The following COBLL1 variants were observed in gnomAD, a reference collection of about 807,000 sequenced individuals.
COBLL1 encodes the protein cordon-bleu protein-like 1.
A neutral mutation model predicts 94.8 loss-of-function variants in COBLL1; 50 were observed. The observed-to-expected ratio is 0.53, with a 90% CI of 0.42 to 0.67. The LOEUF is 0.67. Among genes scored for constraint, COBLL1 ranks in the 30% least tolerant of loss-of-function variants. COBLL1 has a pLI of 0.00. For missense variants in COBLL1, 1,362 were observed against 1,348.7 expected (o/e 1.01, Z -0.15); for synonymous variants, 448 against 473.8 (o/e 0.95, Z 0.71).
intron 2 of COBLL1, among the ~76,000 whole-genome samples, chr2:164,745,358 T>A (rs1686809548): frequency 6.6e-6 from 1 of 152,170 alleles, no homozygotes; most frequent in Non-Finnish European, 1.5e-5. Flanking sequence ...AACTACATTT[T>A]AAAAAACTGT....
chr2:164,750,638 C>T (rs1014271832), intron 2 of COBLL1, among the ~76,000 whole-genome samples: 1 of 152,114 alleles, frequency 6.6e-6, no homozygotes, highest in Non-Finnish European at 1.5e-5. Flanking sequence ...GCCATTAGGT[C>T]AGTGGGGGAG....
At chr2:164,790,622 C>T (rs960941168) in intron 2 of COBLL1, among the ~76,000 whole-genome samples, 4 of 152,154 alleles carry the variant, frequency 2.6e-5, no homozygotes, top group African/African-American at 9.7e-5. Context: ...GAGGACTTAA[C>T]TGTATACATA....
intron 2 of COBLL1, among the ~76,000 whole-genome samples, chr2:164,791,361 C>CAAAACA (rs1393042661): frequency 6.6e-6 from 1 of 151,794 alleles, no homozygotes; most frequent in Non-Finnish European, 1.5e-5. Context: ...CAAAACAAAA[C>CAAAACA]AAAAACACAT....
chr2:164,800,698 A>T, intron 2 of COBLL1: 1 of 607,370 alleles, frequency 1.6e-6, no homozygotes, highest in African/African-American at 1.8e-5. Flanking sequence ...CAGTACATCC[A>T]TACTACAAAA....
intron 2 of COBLL1, among the ~76,000 whole-genome samples, chr2:164,769,207 T>G (rs1254548100): frequency 1.3e-5 from 2 of 152,212 alleles, no homozygotes; most frequent in Admixed American, 1.3e-4. Context: ...TTAGAATTTT[T>G]AATGTATTTA....
chr2:164,839,852 GA>G (rs1683502080), intron 2 of COBLL1, among the ~76,000 whole-genome samples: 1 of 152,166 alleles, frequency 6.6e-6, no homozygotes. Flanking sequence ...TTTAAGCAAT[GA>G]AAAACCTGGG....
chr2:164,728,530 T>A (rs1447429584), intron 4 of COBLL1, among the ~76,000 whole-genome samples: 1 of 152,090 alleles, frequency 6.6e-6, no homozygotes, highest in Non-Finnish European at 1.5e-5. Context: ...TTAGCAAATA[T>A]ACATAGTACA....
chr2:164,808,308 GT>G (rs1684296870), intron 2 of COBLL1, among the ~76,000 whole-genome samples: 1 of 152,054 alleles, frequency 6.6e-6, no homozygotes, highest in African/African-American at 2.4e-5. Context: ...TTAATACTAT[GT>G]TTTTGCTGGA....
intron 2 of COBLL1, among the ~76,000 whole-genome samples, chr2:164,758,828 G>T (rs1405974710): frequency 6.6e-6 from 1 of 151,454 alleles, no homozygotes. Flanking sequence ...TGAAGAAAAA[G>T]TTACTCATTA....
chr2:164,681,016 C>G lies in COBLL1; in HGVS notation c.*4930G>C, dbSNP rs936456674. 6.6e-6 allele frequency: 1 copy of G among 152,118 alleles called. No individual in the cohort carries two copies. The highest frequency in any genetic ancestry group is 1.5e-5 in the Non-Finnish European group (1 of 68,012). The allele number at this position is 152,118 out of a possible 1,614,324, so 9.4% of individuals were successfully genotyped here. ...ACTGGTTGGGAGCTAGACAGAAAGTCTGAGGTGTATTTGTGTTGGATTTAG... is the reference window on the plus strand; with the variant it reads ...ACTGGTTGGGAGCTAGACAGAAAGTGTGAGGTGTATTTGTGTTGGATTTAG... On this transcript the variant is annotated 3_prime_UTR_variant, in exon 14 of 14. Transcript: ENST00000652658.
chr2:164,782,417 G>GTCTAA (rs1448317078), intron 2 of COBLL1, among the ~76,000 whole-genome samples: 20 of 152,068 alleles, frequency 1.3e-4, no homozygotes, highest in Admixed American at 1.2e-3. Context: ...TATCAACTGA[G>GTCTAA]CAAGAAAGAT....
intron 2 of COBLL1, among the ~76,000 whole-genome samples, chr2:164,832,167 G>A (rs1447487165): frequency 3.9e-5 from 6 of 152,156 alleles, no homozygotes; most frequent in South Asian, 2.1e-4. Context: ...AGGCAGATTC[G>A]AGAGATGGAA....
At chr2:164,674,618 G>A (rs1013727155) in intron 1 of COBLL1, among the ~76,000 whole-genome samples, 1 of 152,050 alleles carries the variant, frequency 6.6e-6, no homozygotes, top group African/African-American at 2.4e-5. Flanking sequence ...ATATGGTAAG[G>A]GCAAAAGCTC....
At chr2:164,744,276 C>T (rs1686746846) in intron 2 of COBLL1, among the ~76,000 whole-genome samples, 1 of 152,062 alleles carries the variant, frequency 6.6e-6, no homozygotes. Context: ...GTAACTCTTA[C>T]CTTTGGGCCC....
At chr2:164,671,492 A>G (rs1190330287) in intron 1 of COBLL1, among the ~76,000 whole-genome samples, 1 of 152,186 alleles carries the variant, frequency 6.6e-6, no homozygotes, top group Non-Finnish European at 1.5e-5. Context: ...CACAATCCAC[A>G]ACAGACTTGC....
At chr2:164,751,606 G>A (rs1393482181) in intron 2 of COBLL1, among the ~76,000 whole-genome samples, 1 of 152,002 alleles carries the variant, frequency 6.6e-6, no homozygotes, top group African/African-American at 2.4e-5. Context: ...CCATTTAGCT[G>A]GGGTTTACAG....
intron 3 of COBLL1, among the ~76,000 whole-genome samples, chr2:164,739,215 C>A (rs562846190): frequency 6.6e-6 from 1 of 152,270 alleles, no homozygotes; most frequent in South Asian, 2.1e-4. Context: ...GGCTACCAAC[C>A]TAATTCAGGA....
intron 8 of COBLL1, 100 bp downstream of exon 8, chr2:164,704,852 T>C (rs1221917348): frequency 8.2e-7 from 1 of 1,225,104 alleles, no homozygotes; most frequent in Non-Finnish European, 1.1e-6. Context: ...AAAGCCTAAG[T>C]ATTATTTAAA....
chr2:164,739,465 G>T (rs3769887), intron 3 of COBLL1, among the ~76,000 whole-genome samples: 9,090 of 152,190 alleles, frequency 0.06, 320 homozygotes, highest in African/African-American at 0.11. Context: ...ACTTATTTCT[G>T]AAAAGTGAAC....
Sources: allele counts gnomAD v4.1 joint callset (sites outside exome capture counted in the v4.1 genomes callset), GRCh38; gene constraint gnomAD v4.1.1; transcripts MANE v1.5; gene names NCBI Gene and HGNC (gene_info 2026-07-23, HGNC 2026-07-21).